ZNF350: variants seen among roughly 807,000 people sequenced by gnomAD.
ZNF350 encodes zinc finger protein 350.
A neutral mutation model predicts 13.1 loss-of-function variants in ZNF350; 5 were observed. The observed-to-expected ratio is 0.38, with a 90% CI of 0.20 to 0.80. The LOEUF (loss-of-function observed/expected upper bound fraction) is 0.80, where lower values mean the gene tolerates loss of function less well. Ranked by LOEUF, ZNF350 falls within the 30% of genes least tolerant of loss-of-function variation. The probability of loss-of-function intolerance (pLI) is 0.43; values close to 1 mark genes in which losing one functional copy is unlikely to be tolerated. For synonymous variants in ZNF350, 199 were observed against 224.2 expected (o/e 0.89, Z 1.00); for missense variants, 534 against 644.2 (o/e 0.83, Z 1.85).
rs148787896 is a variant in ZNF350 at position 51,971,291 on chromosome 19, A to G, written c.16-2160T>C. Among the ~76,000 whole-genome samples the G allele has an allele frequency of 7.8e-3, 1,184 of 151,838 alleles. 24 individuals are homozygous for G. Among genetic ancestry groups the G allele is most frequent in the Non-Finnish European group, 6.8e-3 (465 of 67,902 alleles). ...TGTGAGATAGCTATCTATTTGGAAA[A>G]AAGTAAAGTGAAAGTCTTACCTCAA... On this transcript the variant is annotated intron_variant, in intron 2 of 4. Coordinates refer to ENST00000243644, the MANE Select transcript of ZNF350 (RefSeq NM_021632.4).
chr19:51,981,596 T>C (rs1426057865), intron 1 of ZNF350, among the ~76,000 whole-genome samples: 2 of 152,016 alleles, frequency 1.3e-5, no homozygotes, highest in African/African-American at 2.4e-5. Flanking sequence ...CAAAATGATA[T>C]GGGAAGCTTG....
At chr19:51,981,540 G>A (rs375821090) in intron 1 of ZNF350, among the ~76,000 whole-genome samples, 5 of 152,018 alleles carry the variant, frequency 3.3e-5, no homozygotes, top group East Asian at 1.9e-4. Context: ...TCACACACCC[G>A]CCTCAGCCTC....
At position 51,964,958 on chromosome 19, in the gene ZNF350, C is replaced by T; in HGVS notation, c.1495G>A (p.Asp499Asn). 1 of 1,614,186 alleles carries T rather than the reference C, an allele frequency of 6.2e-7. No homozygotes were observed. The highest frequency in any genetic ancestry group is 8.5e-7 in the Non-Finnish European group (1 of 1,180,040). The stretch of plus-strand genomic sequence containing the variant: ...CTGTCCTGTGCAAATCCTCTGTTAT[C>T]TCCTGAGGCTGCACATCTGACCACT... ...QPVVRCAASG[D>N]NRGFAQDRNL... The change falls in exon 5 of 5, where the codon GAT (aspartate) becomes AAT (asparagine). Residue 499 changes from aspartate to asparagine, a missense_variant. Coordinates refer to ENST00000243644, the MANE Select transcript of ZNF350 (RefSeq NM_021632.4).
Position 51,965,825 on chromosome 19 carries a change from C to G in ZNF350, c.628G>C (p.Glu210Gln), listed in dbSNP as rs1048806053. ...RKLEKHHVCS[E>Q]CGKAFIKKSW... ...TTCTTGATGAAGGCTTTCCCACATT[C>G]ACTGCACACATGATGCTTCTCTAAT... The change falls in exon 5 of 5, where the codon GAA (glutamate) becomes CAA (glutamine). Residue 210 changes from glutamate (E) to glutamine (Q), a missense_variant. By Grantham distance (29) the Glu-to-Gln change is conservative. Coordinates refer to ENST00000243644, the MANE Select transcript of ZNF350 (RefSeq NM_021632.4). 12 of 1,614,182 alleles carry G rather than the reference C, an allele frequency of 7.4e-6. No homozygotes were observed. Among genetic ancestry groups the G allele is most frequent in the Non-Finnish European group, 9.3e-6 (11 of 1,180,046 alleles).
At position 51,965,327 on chromosome 19, in the gene ZNF350, A is replaced by G; in HGVS notation, c.1126T>C (p.Cys376Arg). The change falls in exon 5 of 5, where the codon TGT becomes CGT. Residue 376 changes from cysteine to arginine, a missense_variant. By Grantham distance (180) the Cys-to-Arg change is radical. Coordinates refer to ENST00000243644, the MANE Select transcript of ZNF350 (RefSeq NM_021632.4). Reference sequence around the variant, plus strand: ...CTAAAGGCTTTCCCACATTCACTACATTCAAAGGGTTTCTCTCCTGTGTGA... The same window carrying G: ...CTAAAGGCTTTCCCACATTCACTACGTTCAAAGGGTTTCTCTCCTGTGTGA... ...RIHTGEKPFE[C>R]SECGKAFSTK... 1 of 1,614,014 alleles carries G rather than the reference A, an allele frequency of 6.2e-7. No individual in the cohort carries two copies. Among genetic ancestry groups the G allele is most frequent in the Non-Finnish European group, 8.5e-7 (1 of 1,179,884 alleles).
At chr19:51,975,176 A>C (rs2085848921) in intron 1 of ZNF350, among the ~76,000 whole-genome samples, 2 of 152,242 alleles carry the variant, frequency 1.3e-5, no homozygotes, top group Admixed American at 6.5e-5. Context: ...AGTTACAATT[A>C]ACACTAGTAA....
rs912881600 is a variant in ZNF350 at position 51,976,565 on chromosome 19, A to G, written c.-171-2034T>C. The G allele has an allele frequency of 6.6e-6, 1 of 152,382 alleles. No individual in the cohort carries two copies. The highest frequency in any genetic ancestry group is 3.1e-3 in the Middle Eastern group (1 of 322). The allele number at this position is 152,382 out of a possible 1,614,324, so 9.4% of individuals were successfully genotyped here. Reference sequence around the variant, plus strand: ...ACCCTGGGAAGAGTCTGCCGGCAGCAGATATAAGGTCAGTGCCCTAAAGAG... The same window carrying G: ...ACCCTGGGAAGAGTCTGCCGGCAGCGGATATAAGGTCAGTGCCCTAAAGAG... On this transcript the variant is annotated intron_variant, in intron 1 of 4. Coordinates refer to ENST00000243644, the MANE Select transcript of ZNF350 (RefSeq NM_021632.4). The surrounding 1 kb of genome is among the most constrained non-coding windows in gnomAD (Gnocchi z 4.5).
intron 1 of ZNF350, chr19:51,974,909 G>A (rs2085841903): frequency 6.6e-6 from 1 of 152,524 alleles, no homozygotes; most frequent in Non-Finnish European, 1.5e-5. Context: ...CTCTTCAAAA[G>A]TCTTTGTACA....
chr19:51,965,702 C>T lies in ZNF350; in HGVS notation c.751G>A (p.Glu251Lys). 1 of 1,614,172 alleles carries T rather than the reference C, an allele frequency of 6.2e-7. No homozygotes were observed. ...KAFSRKFMLT[E>K]HQRTHTGEKP... is the part of the protein sequence containing the mutation. ...TCTCCTGTATGAGTTCGCTGATGTT[C>T]AGTAAGCATGAACTTTCTGGAGAAG... Residue 251 changes from glutamate (E) to lysine (K), a missense_variant, in exon 5 of 5, where the codon GAA becomes AAA. Coordinates refer to ENST00000243644, the MANE Select transcript of ZNF350 (RefSeq NM_021632.4).
chr19:51,968,730 A>G, intron 3 of ZNF350, 57 bp from the exon 4 acceptor site: 1 of 1,547,360 alleles, frequency 6.5e-7, no homozygotes, highest in African/African-American at 1.4e-5. Flanking sequence ...GGCAATGTCA[A>G]GAAGGAAGAA....
chr19:51,969,413 G>A (rs1412341984), intron 2 of ZNF350, among the ~76,000 whole-genome samples: 1 of 151,752 alleles, frequency 6.6e-6, no homozygotes, highest in Non-Finnish European at 1.5e-5. Context: ...AAATATATAT[G>A]AATATATGTA....
At chr19:51,974,596 G>C (rs2085834700) in intron 1 of ZNF350, 65 bp from the exon 2 acceptor site, 1 of 505,940 alleles carries the variant, frequency 2.0e-6, no homozygotes, top group Non-Finnish European at 3.6e-6. Context: ...TACTGTCACT[G>C]CTGCTAGGCA....
intron 1 of ZNF350, among the ~76,000 whole-genome samples, chr19:51,975,893 C>T (rs1388440422): frequency 5.3e-5 from 8 of 152,216 alleles, no homozygotes; most frequent in South Asian, 2.1e-4. Context: ...GCCGAAGGCT[C>T]GTGGCCCGTG....
intron 2 of ZNF350, among the ~76,000 whole-genome samples, chr19:51,972,098 T>A (rs1430300779): frequency 6.6e-6 from 1 of 152,050 alleles, no homozygotes. Context: ...TGAATGGACT[T>A]AACTCCAAAT....
Position 51,974,354 on chromosome 19 carries a change from G to C in ZNF350, c.7C>G (p.Gln3Glu). 1 of 1,613,832 alleles carries C rather than the reference G, an allele frequency of 6.2e-7. No individual in the cohort carries two copies. The highest frequency in any genetic ancestry group is 8.5e-7 in the Non-Finnish European group (1 of 1,179,852). Residue 3 changes from glutamine (Q) to glutamate (E), a missense_variant, in exon 2 of 5, where the codon CAG (glutamine) becomes GAG (glutamate). Coordinates refer to ENST00000243644, the MANE Select transcript of ZNF350 (RefSeq NM_021632.4). MI[Q>E]AQESITLEDV... ...AACCAAAAGTCAGTTACCTGGGCCT[G>C]GATCATTTTCTTCTGTTCTTGGAAG...
intron 1 of ZNF350, chr19:51,981,262 C>T (rs561737484): frequency 6.7e-6 from 1 of 148,748 alleles, no homozygotes; most frequent in East Asian, 2.0e-4. Context: ...CTTCCACCCC[C>T]CCACCCTCCT....
Position 51,970,059 on chromosome 19 carries a change from AT to A in ZNF350, c.16-929del, listed in dbSNP as rs60960172. 2.2e-3 allele frequency among the ~76,000 whole-genome samples: 255 copies of A among 114,462 alleles called. 1 individual carries two copies. The highest frequency in any genetic ancestry group is 4.4e-3 in the African/African-American group (120 of 27,564). 75.1% of individuals were successfully genotyped at this position (114,462 alleles called of 152,430 possible). On this transcript the variant is annotated intron_variant, in intron 2 of 4. Transcript: ENST00000243644. ...AGGCATGTGACACTACGCCTGGCTA[AT>A]TTTTTTTTTTTTTTTTTTGAGACGG...
chr19:51,968,247 G>A (rs986813446), intron 4 of ZNF350, among the ~76,000 whole-genome samples: 3 of 152,142 alleles, frequency 2.0e-5, no homozygotes, highest in Non-Finnish European at 4.4e-5. Context: ...TTCCTCTTTG[G>A]AAAGAGGCCT....
chr19:51,972,853 AG>A (rs2085779904), intron 2 of ZNF350: 1 of 151,958 alleles, frequency 6.6e-6, no homozygotes, highest in East Asian at 1.9e-4. Flanking sequence ...AGGTCTCACT[AG>A]ATTGCCCAGG....
Sources: allele counts gnomAD v4.1 joint callset (sites outside exome capture counted in the v4.1 genomes callset), GRCh38; gene constraint gnomAD v4.1.1; non-coding constraint Gnocchi (gnomAD v3.1); transcripts MANE v1.5; gene names NCBI Gene and HGNC (gene_info 2026-07-23, HGNC 2026-07-21).